The following PNPLA7 variants were observed in gnomAD, a reference collection of about 807,000 sequenced individuals.
PNPLA7 encodes patatin like domain 7, lysophospholipase.
In PNPLA7, 153 loss-of-function variants were observed where a neutral mutation model predicts 161.7. The observed-to-expected ratio is 0.95, with a 90% CI of 0.83 to 1.08. The LOEUF (loss-of-function observed/expected upper bound fraction) is 1.08. PNPLA7 is among the 50% of genes least tolerant of loss of function. PNPLA7 has a pLI of 0.00. For synonymous variants in PNPLA7, 809 were observed against 782.1 expected (o/e 1.03, Z -0.57); for missense variants, 1,739 against 1,856.6 (o/e 0.94, Z 1.16).
chr9:137,495,237 C>G (rs1832990525), intron 18 of PNPLA7, 91 bp from the exon 19 acceptor site: 1 of 831,066 alleles, frequency 1.2e-6, no homozygotes, highest in Non-Finnish European at 1.9e-6. Context: ...CCTGCCAGAG[C>G]CACACATGAC....
At chr9:137,505,039 T>C (rs1564327451) in intron 14 of PNPLA7, among the ~76,000 whole-genome samples, 1 of 151,700 alleles carries the variant, frequency 6.6e-6, no homozygotes, top group Non-Finnish European at 1.5e-5. Flanking sequence ...AAATACAAAA[T>C]TTAGCCAGGT....
Position 137,540,568 on chromosome 9 carries a change from C to T in PNPLA7, c.747+74G>A. On this transcript the variant is annotated intron_variant, in intron 8 of 34. Transcript: ENST00000406427. This position sits in a 1 kb window ranked among gnomAD's most constrained non-coding sequence, Gnocchi z 5.1. Reference sequence around the variant, plus strand: ...TGGCCTTTAACCACTACCAGCTGTCCAGACAAGACAGAAAAACCAGGCCTC... The same window carrying T: ...TGGCCTTTAACCACTACCAGCTGTCTAGACAAGACAGAAAAACCAGGCCTC... 1 of 1,326,932 alleles carries T rather than the reference C, an allele frequency of 7.5e-7. No individual in the cohort carries two copies. Among genetic ancestry groups the T allele is most frequent in the Non-Finnish European group, 1.1e-6 (1 of 951,562 alleles). 82.2% of individuals were successfully genotyped at this position (1,326,932 alleles called of 1,614,324 possible).
rs776989682 is a variant in PNPLA7 at position 137,522,734 on chromosome 9, C to A, written c.871G>T (p.Val291Leu). The A allele has an allele frequency of 3.3e-5, 53 of 1,612,612 alleles. No individual in the cohort carries two copies. In the Admixed American group the frequency reaches 8.5e-4, roughly 26 times the overall value. ...EKYPETLVRV[V>L]QIIMVRLQRV... ...TGTCTGAAAAAGTGACTCACCTGCA[C>A]CACCCTCACCAGAGTTTCCGGATAT... is the stretch of plus-strand genomic sequence containing the variant. Residue 291 changes from valine (V) to leucine (L), a missense_variant, in exon 9 of 35, where the codon GTG becomes TTG. This residue lies in a region of PNPLA7 where 152 missense variants were observed against 193.5 expected (regional missense o/e 0.79). Transcript: ENST00000406427.
At position 137,547,273 on chromosome 9, in the gene PNPLA7, A is replaced by C; in HGVS notation, c.193+36T>G. On this transcript the variant is annotated intron_variant, in intron 3 of 34. Transcript: ENST00000406427. The surrounding 1 kb of genome is among the most constrained non-coding windows in gnomAD (Gnocchi z 4.6). ...TCCCAAGACACCCACGCTTTCCCCC[A>C]ACCCCCCGGGCCAGAGTCGGAACCA... is the stretch of plus-strand genomic sequence containing the variant. 1 of 1,597,248 alleles carries C rather than the reference A, an allele frequency of 6.3e-7. No individual in the cohort carries two copies. Among genetic ancestry groups the C allele is most frequent in the Non-Finnish European group, 8.6e-7 (1 of 1,165,576 alleles).
At chr9:137,462,606 C>T in intron 30 of PNPLA7, 79 bp downstream of exon 30, 1 of 1,549,632 alleles carries the variant, frequency 6.5e-7, no homozygotes, top group Admixed American at 1.8e-5. Flanking sequence ...GAGCGACCCC[C>T]ACTCCCCTGC....
In PNPLA7 at chr9:137,518,680, C is replaced by T. The variant is rs551661330; in HGVS notation, c.1084+1237G>A. Among the ~76,000 whole-genome samples the T allele has an allele frequency of 4.1e-5, 3 of 73,232 alleles. No individual in the cohort carries two copies. In the East Asian group the frequency reaches 1.1e-3, roughly 26 times the overall value. 48.0% of individuals were successfully genotyped at this position (73,232 alleles called of 152,430 possible). A position where few individuals can be genotyped will look rare whatever the true frequency, so the allele number is the denominator to read the frequency against. On this transcript the variant is annotated intron_variant, in intron 11 of 34. Coordinates refer to ENST00000406427, the MANE Select transcript of PNPLA7 (RefSeq NM_001098537.3). ...ACTCATTCCACTCTGTCCACTCCAT[C>T]CTCACTCACTCACTCCACTCTGCTC...
At chr9:137,492,082 A>C (rs1832790516) in intron 20 of PNPLA7, 1 of 985,364 alleles carries the variant, frequency 1.0e-6, no homozygotes, top group Non-Finnish European at 1.2e-6. Context: ...AGCAGAGATA[A>C]AGGGTCAGAG....
rs767744494 is a variant in PNPLA7 at position 137,541,402 on chromosome 9, G to C, written c.667-680C>G. On this transcript the variant is annotated intron_variant, in intron 7 of 34. Coordinates refer to ENST00000406427, the MANE Select transcript of PNPLA7 (RefSeq NM_001098537.3). This position sits in a 1 kb window ranked among gnomAD's most constrained non-coding sequence, Gnocchi z 4.4. ...TAATAACCCATCAAGTCCAGCCACA[G>C]ACAAAGCGACAAACCTGAGAACCAA... 5.1e-6 allele frequency: 5 copies of C among 984,998 alleles called. No individual in the cohort carries two copies. The highest frequency in any genetic ancestry group is 6.0e-6 in the Non-Finnish European group (5 of 829,548). The allele number at this position is 984,998 out of a possible 1,614,324, so 61.0% of individuals were successfully genotyped here. A position where few individuals can be genotyped will look rare whatever the true frequency, so the allele number is the denominator to read the frequency against.
At chr9:137,503,879 A>AAGAAGGAAG (rs753595313) in intron 14 of PNPLA7, among the ~76,000 whole-genome samples, 1 of 62,894 alleles carries the variant, frequency 1.6e-5, no homozygotes, top group Non-Finnish European at 3.7e-5. Flanking sequence ...AAGGAAGAAG[A>AAGAAGGAAG]AAGAAGAAGG....
chr9:137,528,706 C>CTT (rs566053018), intron 8 of PNPLA7, among the ~76,000 whole-genome samples: 1 of 141,622 alleles, frequency 7.1e-6, no homozygotes, highest in South Asian at 2.2e-4. Flanking sequence ...TTCTTCCAGC[C>CTT]TTTTTTTTTT....
chr9:137,519,803 T>C (rs1588668583), intron 11 of PNPLA7, 114 bp downstream of exon 11: 3 of 1,371,236 alleles, frequency 2.2e-6, no homozygotes, highest in East Asian at 4.9e-5. Flanking sequence ...GACCCGGGGA[T>C]GTGTGTGGTG....
rs10123340 is a variant in PNPLA7, at chr9:137,495,086, A to G, written c.2074T>C (p.Leu692=). Residue 692 remains leucine (L), a synonymous_variant, in exon 19 of 35, where the codon TTG becomes CTG. Coordinates refer to ENST00000406427, the MANE Select transcript of PNPLA7 (RefSeq NM_001098537.3). ...TTVHAVRDSE[L]AKLPAGALTS... ...AGGGCTCCTGCCGGCAGCTTGGCCA[A>G]TTCTGAGTCCCGAACGGCATGCACC... 2.6e-3 allele frequency: 4,210 copies of G among 1,609,862 alleles called. 102 individuals carry two copies. The African/African-American group carries it at 0.048, about 18-fold the overall frequency.
chr9:137,488,341 C>CA (rs1832598025), intron 20 of PNPLA7, among the ~76,000 whole-genome samples: 1 of 152,236 alleles, frequency 6.6e-6, no homozygotes. Context: ...ACTGAGGTGT[C>CA]AGAGTCCTCA....
At position 137,543,332 on chromosome 9, in the gene PNPLA7, A is replaced by G; in HGVS notation, c.506+100T>C. On this transcript the variant is annotated intron_variant, in intron 6 of 34. Coordinates refer to ENST00000406427, the MANE Select transcript of PNPLA7 (RefSeq NM_001098537.3). This position sits in a 1 kb window ranked among gnomAD's most constrained non-coding sequence, Gnocchi z 6.9. ...AGCCCCACGATGCGCTTTGCCAACC[A>G]TTCCCCCAACACAAGACGGCCAAGC... 6.7e-7 allele frequency: 1 copy of G among 1,481,926 alleles called. No homozygotes were observed. The highest frequency in any genetic ancestry group is 9.3e-7 in the Non-Finnish European group (1 of 1,075,514). 91.8% of individuals were successfully genotyped at this position (1,481,926 alleles called of 1,614,324 possible).
chr9:137,549,017 GACCGA>G (rs1836697229), intron 1 of PNPLA7, among the ~76,000 whole-genome samples: 1 of 152,210 alleles, frequency 6.6e-6, no homozygotes, highest in South Asian at 2.1e-4. Context: ...CCGCTTCTGG[GACCGA>G]TTATCCAAGG....
chr9:137,477,010 G>C (rs369662082), intron 25 of PNPLA7, among the ~76,000 whole-genome samples: 1 of 152,364 alleles, frequency 6.6e-6, no homozygotes, highest in African/African-American at 2.4e-5. Flanking sequence ...AGCTTTTCCC[G>C]GGGTAGCAGT....
intron 3 of PNPLA7, 50 bp from the exon 4 acceptor site, chr9:137,546,959 G>A (rs1327379309): frequency 1.3e-6 from 2 of 1,556,816 alleles, no homozygotes; most frequent in East Asian, 2.2e-5. Flanking sequence ...GCACAGGCCT[G>A]GTCCTGGACA....
intron 26 of PNPLA7, among the ~76,000 whole-genome samples, chr9:137,466,795 A>T (rs1437421552): frequency 1.4e-3 from 64 of 45,838 alleles, no homozygotes; most frequent in South Asian, 2.8e-3. Context: ...GTCTCCACCA[A>T]CTCAGACCCG....
At chr9:137,494,523 G>GCCACCCTCACCCGCA (rs1168746191) in intron 19 of PNPLA7, among the ~76,000 whole-genome samples, 1 of 152,046 alleles carries the variant, frequency 6.6e-6, no homozygotes, top group Non-Finnish European at 1.5e-5. Flanking sequence ...CATGGCCTGT[G>GCCACCCTCACCCGCA]CCACCCTCAC....
Sources: gnomAD v4.1 joint callset for allele counts (sites outside exome capture counted in the v4.1 genomes callset) on GRCh38, gnomAD v4.1.1 for gene constraint, gnomAD v4.1.1 regional missense constraint, Gnocchi (gnomAD v3.1) non-coding constraint, MANE v1.5 for transcripts, NCBI Gene and HGNC (gene_info 2026-07-23, HGNC 2026-07-21) for gene names.